The following MAMLD1 variants were observed in gnomAD, a reference collection of about 807,000 sequenced individuals.
MAMLD1 encodes the protein mastermind like domain containing 1, also known as mastermind-like domain-containing protein 1.
Under a neutral mutation model 45.0 loss-of-function variants are expected in MAMLD1, and 14 were observed. The observed-to-expected ratio is 0.31, with a 90% CI of 0.21 to 0.49. MAMLD1 has a LOEUF of 0.49. MAMLD1 is among the 20% of genes least tolerant of loss of function. The pLI is 0.99. For synonymous variants in MAMLD1, 254 were observed against 247.8 expected, an observed-to-expected ratio of 1.02 and a Z score of -0.24; for missense variants, 543 against 603.6, an observed-to-expected ratio of 0.90 and a Z score of 1.05.
intron 1 of MAMLD1, among the ~76,000 whole-genome samples, chrX:150,372,408 G>A (rs2032067402): frequency 9.0e-6 from 1 of 111,390 alleles, no homozygotes; most frequent in African/African-American, 3.3e-5. Flanking sequence ...TCTGCCTCTG[G>A]AAGTTCCAGC....
At chrX:150,438,753 TTTA>T (rs782611910) in intron 1 of MAMLD1, among the ~76,000 whole-genome samples, 24 of 112,728 alleles carry the variant, frequency 2.1e-4, no homozygotes, top group Non-Finnish European at 4.1e-4. Flanking sequence ...TGTTTATCTG[TTTA>T]TTAATTGATG....
At chrX:150,362,736 C>G (rs2031080427), upstream of MAMLD1, 2 of 111,958 alleles carry the variant, frequency 1.8e-5, no homozygotes, top group East Asian at 5.8e-4. Context: ...CCCAAGCGCG[C>G]CGGGCCCCGC....
At chrX:150,495,799 T>G (rs1158392918) in intron 5 of MAMLD1, among the ~76,000 whole-genome samples, 1 of 112,108 alleles carries the variant, frequency 8.9e-6, no homozygotes, top group Non-Finnish European at 1.9e-5. Flanking sequence ...CATCTAGAGC[T>G]CCTCCTCCTG....
At chrX:150,462,636 T>C in intron 2 of MAMLD1, 136 bp from the exon 3 acceptor site, 1 of 536,389 alleles carries the variant, frequency 1.9e-6, no homozygotes. Context: ...TATTTAAATG[T>C]CATAGATATA....
At position 150,497,266 on chromosome X, in the gene MAMLD1, AT is replaced by A. The variant is rs782429434; in HGVS notation, c.2041-6001del. Among the ~76,000 whole-genome samples, 984 of 101,068 alleles carry A rather than the reference AT, an allele frequency of 9.7e-3. 6 individuals are homozygous for A. Among genetic ancestry groups the A allele is most frequent in the Non-Finnish European group, 0.016 (788 of 49,972 alleles). The allele number at this position is 101,068 out of a possible 115,157, so 87.8% of individuals were successfully genotyped here. A position where few individuals can be genotyped will look rare whatever the true frequency, so the allele number is the denominator to read the frequency against. ...TTCTGTAGAATTTCTTTTTTAAAAA[AT>A]TTTTTTCTTTTTTTTCTTTTTTTTT... On this transcript the variant is annotated intron_variant, in intron 5 of 7. Coordinates refer to ENST00000370401, the MANE Select transcript of MAMLD1 (RefSeq NM_005491.5).
chrX:150,461,501 G>A (rs7064151), intron 2 of MAMLD1, among the ~76,000 whole-genome samples: 15,469 of 110,963 alleles, frequency 0.14, 952 homozygotes, highest in African/African-American at 0.2. Context: ...CTCACCTCTG[G>A]ATTATTCTGC....
intron 3 of MAMLD1, 119 bp from the exon 4 acceptor site, chrX:150,469,626 T>TC: frequency 1.8e-6 from 1 of 558,395 alleles, no homozygotes; most frequent in Non-Finnish European, 2.9e-6. Context: ...TCTCTCTCTC[T>TC]TTCTCTCTGT....
rs1174092962 is a variant in MAMLD1, at chrX:150,430,019, C to CTTTTTTTTTTTTTTTTTTTTT, written c.-63-15431_-63-15411dup. Among the ~76,000 whole-genome samples the CTTTTTTTTTTTTTTTTTTTTT allele has an allele frequency of 4.1e-4, 20 of 49,228 alleles. 1 individual carries two copies. The highest frequency in any genetic ancestry group is 8.2e-4 in the East Asian group (1 of 1,226). The allele number at this position is 49,228 out of a possible 115,157, so 42.7% of individuals were successfully genotyped here. ...CCATTTTCTTTTCTTTCTTTCTTTT[C>CTTTTTTTTTTTTTTTTTTTTT]TTTTTTTTTTTTTTTTTTTTTTTTG... On this transcript the variant is annotated intron_variant, in intron 1 of 7. Coordinates refer to ENST00000370401, the MANE Select transcript of MAMLD1 (RefSeq NM_005491.5).
chrX:150,436,167 T>C (rs1347112790), intron 1 of MAMLD1, among the ~76,000 whole-genome samples: 7 of 110,129 alleles, frequency 6.4e-5, no homozygotes, highest in African/African-American at 2.3e-4. Flanking sequence ...TTTTTTTCAT[T>C]TCGATCTTGG....
chrX:150,472,671 A>G (rs2036465674), intron 4 of MAMLD1, among the ~76,000 whole-genome samples: 1 of 112,012 alleles, frequency 8.9e-6, no homozygotes, highest in African/African-American at 3.2e-5. Flanking sequence ...TAATGGGGAG[A>G]GAGGGAGGAG....
chrX:150,469,341 T>A (rs2036327706), intron 3 of MAMLD1, among the ~76,000 whole-genome samples: 1 of 112,580 alleles, frequency 8.9e-6, no homozygotes, highest in South Asian at 3.7e-4. Context: ...TTCTGCATAG[T>A]TTTGTTGAAC....
chrX:150,475,064 G>A (rs1557406799), intron 5 of MAMLD1, among the ~76,000 whole-genome samples: 1 of 112,271 alleles, frequency 8.9e-6, no homozygotes, highest in Non-Finnish European at 1.9e-5. Flanking sequence ...AACCTCCCAA[G>A]TTTTACTGAT....
chrX:150,465,205 T>C (rs1274518923), intron 3 of MAMLD1, among the ~76,000 whole-genome samples: 4 of 112,160 alleles, frequency 3.6e-5, no homozygotes, highest in African/African-American at 1.3e-4. Context: ...CCAGACTTCT[T>C]TGGATAAGTT....
At chrX:150,444,896 C>T (rs1009821733) in intron 1 of MAMLD1, among the ~76,000 whole-genome samples, 1 of 111,899 alleles carries the variant, frequency 8.9e-6, no homozygotes. Flanking sequence ...ATATCTGTTG[C>T]TCCCTTCCTG....
chrX:150,421,160 G>C (rs1478283549), intron 1 of MAMLD1: 4 of 115,048 alleles, frequency 3.5e-5, no homozygotes, highest in Non-Finnish European at 5.4e-5. Context: ...TTAAGCCCGT[G>C]GGAAAAGCAC....
intron 1 of MAMLD1, among the ~76,000 whole-genome samples, chrX:150,368,150 G>C (rs1355412856): frequency 8.9e-6 from 1 of 111,816 alleles, no homozygotes; most frequent in Non-Finnish European, 1.9e-5. Context: ...CTTCCACAAT[G>C]GTTGAACTAG....
chrX:150,480,138 G>A (rs2036709596), intron 5 of MAMLD1, among the ~76,000 whole-genome samples: 1 of 111,706 alleles, frequency 9.0e-6, no homozygotes, highest in Non-Finnish European at 1.9e-5. Flanking sequence ...ATCCTTTCCC[G>A]AGTCTATTTG....
intron 2 of MAMLD1, among the ~76,000 whole-genome samples, chrX:150,461,956 A>G (rs900797629): frequency 8.9e-6 from 1 of 111,988 alleles, no homozygotes; most frequent in Admixed American, 9.4e-5. Context: ...TCATTTCACA[A>G]TGCAGCCATA....
chrX:150,417,170 C>G lies in MAMLD1; in HGVS notation c.-63-28284C>G, dbSNP rs1452605845. Among the ~76,000 whole-genome samples, 3 of 109,519 alleles carry G rather than the reference C, an allele frequency of 2.7e-5. No individual in the cohort carries two copies. The East Asian group carries it at 8.6e-4, about 31-fold the overall frequency. On this transcript the variant is annotated intron_variant, in intron 1 of 7. Transcript: ENST00000370401. ...TGCTATCCCTCCCCCCTACCCCACC[C>G]CACAACAGTCCCCAGAGTGTGATAT... is the stretch of plus-strand genomic sequence containing the variant.
Sources: gnomAD v4.1 joint callset for allele counts (sites outside exome capture counted in the v4.1 genomes callset) on GRCh38, gnomAD v4.1.1 for gene constraint, MANE v1.5 for transcripts, NCBI Gene and HGNC (gene_info 2026-07-23, HGNC 2026-07-21) for gene names.